Variants in NPR3 observed in about 807,000 individuals in gnomAD.
NPR3 encodes the protein atrial natriuretic peptide receptor 3.
In NPR3, 34 loss-of-function variants were observed where a neutral mutation model predicts 54.5. The observed-to-expected ratio is 0.62, with a 90% CI of 0.47 to 0.83. The LOEUF (loss-of-function observed/expected upper bound fraction) is 0.83, where lower values mean the gene tolerates loss of function less well. Among genes scored for constraint, NPR3 ranks in the 40% least tolerant of loss-of-function variants. The probability of loss-of-function intolerance (pLI) is 0.00; values close to 1 mark genes in which losing one functional copy is unlikely to be tolerated. For missense variants in NPR3, 674 were observed against 720.8 expected (o/e 0.94, Z 0.74); for synonymous variants, 289 against 297.1 (o/e 0.97, Z 0.28).
chr5:32,698,921 A>G (rs1027840326), intron 1 of NPR3, among the ~76,000 whole-genome samples: 5 of 151,370 alleles, frequency 3.3e-5, no homozygotes, highest in Non-Finnish European at 5.9e-5. Flanking sequence ...TTTTAAATCC[A>G]TTCAGCCAGT....
chr5:32,711,373 A>G lies in NPR3; in HGVS notation c.-404A>G. The G allele has an allele frequency of 1.0e-6, 1 of 995,488 alleles. No individual in the cohort carries two copies. The highest frequency in any genetic ancestry group is 1.7e-5 in the African/African-American group (1 of 57,800). 61.7% of individuals were successfully genotyped at this position (995,488 alleles called of 1,614,324 possible). ...GGGAGATGCACCGTCAATTACAAAC[A>G]CTTGGACAAGTCTAACTTTTTTTTT... is the stretch of plus-strand genomic sequence containing the variant. On this transcript the variant is annotated 5_prime_UTR_variant, in exon 1 of 8. Coordinates refer to ENST00000265074, the MANE Select transcript of NPR3 (RefSeq NM_001204375.2).
chr5:32,710,802 T>C, upstream of NPR3: 1 of 1,502,864 alleles, frequency 6.7e-7, no homozygotes. Context: ...AAGCGGCACC[T>C]AAGGATTTTT....
chr5:32,718,310 C>T (rs1738663195), intron 1 of NPR3, among the ~76,000 whole-genome samples: 1 of 152,156 alleles, frequency 6.6e-6, no homozygotes, highest in African/African-American at 2.4e-5. Flanking sequence ...TTAGGATTGT[C>T]TTGGCAATGC....
intron 3 of NPR3, among the ~76,000 whole-genome samples, chr5:32,759,608 A>G (rs1741046234): frequency 6.6e-6 from 1 of 152,204 alleles, no homozygotes; most frequent in Non-Finnish European, 1.5e-5. Flanking sequence ...ATTTACATTT[A>G]AAGTTAGTAT....
rs145343534 is a variant in NPR3, at chr5:32,723,999, C to T, written c.770-699C>T. ...CACACAGATAATACTTGTTATGAAC[C>T]ATTTGAAAGTACAGAATCATGCTTA... On this transcript the variant is annotated intron_variant, in intron 1 of 7. Coordinates refer to ENST00000265074, the MANE Select transcript of NPR3 (RefSeq NM_001204375.2). Among the ~76,000 whole-genome samples the T allele has an allele frequency of 3.9e-5, 6 of 152,130 alleles. No homozygotes were observed. In the East Asian group the frequency reaches 9.7e-4, roughly 25 times the overall value.
At chr5:32,742,806 G>A (rs948990783) in intron 3 of NPR3, among the ~76,000 whole-genome samples, 2 of 151,960 alleles carry the variant, frequency 1.3e-5, no homozygotes, top group Non-Finnish European at 1.5e-5. Context: ...CTTCTAATAC[G>A]ATAACTGAAA....
intron 3 of NPR3, among the ~76,000 whole-genome samples, chr5:32,752,215 A>C (rs1740614164): frequency 1.2e-5 from 1 of 84,944 alleles, no homozygotes; most frequent in Non-Finnish European, 2.4e-5. Context: ...CTCCAAAAAC[A>C]AAAACAAAAA....
intron 1 of NPR3, among the ~76,000 whole-genome samples, chr5:32,697,149 C>T (rs1040124959): frequency 2.6e-5 from 4 of 152,028 alleles, no homozygotes; most frequent in African/African-American, 7.2e-5. Flanking sequence ...GACATATGTT[C>T]CTTCTATACT....
chr5:32,742,384 A>G lies in NPR3; in HGVS notation c.1059+3354A>G, dbSNP rs1294406299. Among the ~76,000 whole-genome samples the G allele has an allele frequency of 3.3e-5, 5 of 152,256 alleles. No individual in the cohort carries two copies. The South Asian group carries it at 6.2e-4, about 19-fold the overall frequency. ...CGCCTGTAATCCCAGGTACTTGGGAAGCTGAGGTGGGAGAATTGCTTAAGT... is the reference window on the plus strand; with the variant it reads ...CGCCTGTAATCCCAGGTACTTGGGAGGCTGAGGTGGGAGAATTGCTTAAGT... On this transcript the variant is annotated intron_variant, in intron 3 of 7. Coordinates refer to ENST00000265074, the MANE Select transcript of NPR3 (RefSeq NM_001204375.2).
upstream of NPR3, among the ~76,000 whole-genome samples, chr5:32,707,582 TA>T: frequency 6.6e-6 from 1 of 152,328 alleles, no homozygotes; most frequent in East Asian, 1.9e-4. Flanking sequence ...TTTCTGCCTC[TA>T]GGGGGGAGTG....
chr5:32,722,753 G>A (rs1738930195), intron 1 of NPR3, among the ~76,000 whole-genome samples: 1 of 152,136 alleles, frequency 6.6e-6, no homozygotes, highest in African/African-American at 2.4e-5. Context: ...TCATTTAAGA[G>A]GCTAGAATCA....
At chr5:32,717,035 G>A (rs2111862919) in intron 1 of NPR3, among the ~76,000 whole-genome samples, 1 of 136,908 alleles carries the variant, frequency 7.3e-6, no homozygotes, top group African/African-American at 2.8e-5. Flanking sequence ...CCCGGTGTGT[G>A]ATGTTTCCCG....
At chr5:32,715,662 A>C (rs532498346) in intron 1 of NPR3, among the ~76,000 whole-genome samples, 4 of 152,334 alleles carry the variant, frequency 2.6e-5, no homozygotes, top group South Asian at 2.1e-4. Flanking sequence ...TACTGCCCTC[A>C]ATATTCCACA....
At chr5:32,723,453 G>A (rs1738972967) in intron 1 of NPR3, among the ~76,000 whole-genome samples, 2 of 152,142 alleles carry the variant, frequency 1.3e-5, no homozygotes, top group Admixed American at 1.3e-4. Flanking sequence ...TCTTACAAAC[G>A]ATTTCTTATG....
At chr5:32,728,229 G>A (rs1320141583) in intron 2 of NPR3, among the ~76,000 whole-genome samples, 1 of 152,192 alleles carries the variant, frequency 6.6e-6, no homozygotes, top group Non-Finnish European at 1.5e-5. Flanking sequence ...TTGGGAGGCT[G>A]AGGCAGATGG....
chr5:32,732,825 T>C, intron 2 of NPR3, among the ~76,000 whole-genome samples: 1 of 152,066 alleles, frequency 6.6e-6, no homozygotes, highest in East Asian at 1.9e-4. Context: ...TATTTTATTA[T>C]TTATTACTAT....
At chr5:32,691,707 A>G (rs1740392048) in intron 1 of NPR3, among the ~76,000 whole-genome samples, 1 of 152,238 alleles carries the variant, frequency 6.6e-6, no homozygotes, top group African/African-American at 2.4e-5. Context: ...TTGAGCTAGA[A>G]ACATGTATCC....
intron 3 of NPR3, among the ~76,000 whole-genome samples, chr5:32,771,582 G>A (rs895916628): frequency 1.3e-5 from 2 of 152,192 alleles, no homozygotes; most frequent in African/African-American, 4.8e-5. Context: ...GGGGCACACA[G>A]TCAGTGCTTT....
intron 3 of NPR3, among the ~76,000 whole-genome samples, chr5:32,772,137 T>C (rs1406620522): frequency 6.6e-6 from 1 of 152,240 alleles, no homozygotes; most frequent in Non-Finnish European, 1.5e-5. Context: ...GACTGGTAGA[T>C]GTTATTTCTA....
Sources: allele counts gnomAD v4.1 joint callset (sites outside exome capture counted in the v4.1 genomes callset), GRCh38; gene constraint gnomAD v4.1.1; transcripts MANE v1.5; gene names NCBI Gene and HGNC (gene_info 2026-07-23, HGNC 2026-07-21).